The following ATP8A2 variants were observed in gnomAD, a reference collection of about 807,000 sequenced individuals.
ATP8A2 encodes the protein phospholipid-transporting ATPase IB.
Under a neutral mutation model 165.6 loss-of-function variants are expected in ATP8A2, and 100 were observed. The observed-to-expected ratio is 0.60, with a 90% CI of 0.51 to 0.71. The LOEUF is 0.71. Ranked by LOEUF, ATP8A2 falls within the 30% of genes least tolerant of loss-of-function variation. The probability of loss-of-function intolerance (pLI) is 0.00; values close to 1 mark genes in which losing one functional copy is unlikely to be tolerated. For synonymous variants in ATP8A2, 543 were observed against 548.8 expected (o/e 0.99, Z 0.15); for missense variants, 1,227 against 1,479.5 (o/e 0.83, Z 2.80).
chr13:25,989,673 CTATT>C (rs1418894329), intron 35 of ATP8A2, among the ~76,000 whole-genome samples: 1 of 152,156 alleles, frequency 6.6e-6, no homozygotes, highest in Non-Finnish European at 1.5e-5. Flanking sequence ...ATTCTCTCCT[CTATT>C]TATTTTCAGT....
chr13:25,908,850 C>T (rs1954025383), intron 33 of ATP8A2, among the ~76,000 whole-genome samples: 1 of 152,122 alleles, frequency 6.6e-6, no homozygotes, highest in Admixed American at 6.5e-5. Context: ...TGGGGACAGT[C>T]GATCTAGTGA....
At chr13:25,855,914 T>A (rs1952151909) in intron 30 of ATP8A2, among the ~76,000 whole-genome samples, 1 of 152,248 alleles carries the variant, frequency 6.6e-6, no homozygotes, top group Admixed American at 6.5e-5. Context: ...TGTTTTGCTG[T>A]TCTTCATGCA....
intron 1 of ATP8A2, among the ~76,000 whole-genome samples, chr13:25,430,414 A>G (rs1329762947): frequency 6.6e-6 from 1 of 152,154 alleles, no homozygotes; most frequent in Non-Finnish European, 1.5e-5. Context: ...GGAGTTTTGT[A>G]GGAGCAGGAG....
chr13:25,937,655 C>G (rs1954944250), intron 33 of ATP8A2, among the ~76,000 whole-genome samples: 1 of 151,040 alleles, frequency 6.6e-6, no homozygotes, highest in Admixed American at 6.6e-5. Flanking sequence ...CAAGACCATC[C>G]TGGTTAACAC....
chr13:25,933,265 G>A (rs535388718), intron 33 of ATP8A2, among the ~76,000 whole-genome samples: 4 of 152,172 alleles, frequency 2.6e-5, no homozygotes, highest in Non-Finnish European at 4.4e-5. Context: ...TGCCTCGCTT[G>A]GCGGGGATGT....
At chr13:25,623,261 T>A (rs1236372303) in intron 24 of ATP8A2, among the ~76,000 whole-genome samples, 2 of 152,018 alleles carry the variant, frequency 1.3e-5, no homozygotes, top group African/African-American at 4.8e-5. Context: ...CTGGGTATGG[T>A]GATGTGAGCC....
At chr13:25,894,588 T>C (rs1373315724) in intron 33 of ATP8A2, among the ~76,000 whole-genome samples, 1 of 152,238 alleles carries the variant, frequency 6.6e-6, no homozygotes, top group Non-Finnish European at 1.5e-5. Flanking sequence ...ATTGGTAGCT[T>C]GATGGGGATG....
At chr13:25,410,312 C>A (rs2033931268) in intron 1 of ATP8A2, among the ~76,000 whole-genome samples, 1 of 152,096 alleles carries the variant, frequency 6.6e-6, no homozygotes, top group South Asian at 2.1e-4. Context: ...TTCTGGGAAG[C>A]TTTTCACCTT....
At position 25,598,353 on chromosome 13, in the gene ATP8A2, A is replaced by G. The variant is rs143937065; in HGVS notation, c.2211+8654A>G. On this transcript the variant is annotated intron_variant, in intron 24 of 36. Transcript: ENST00000381655. ...TTTCAGGACCTTTGCATTTCTGTAT[A>G]CATTTTAGAATCAGGCTGTAGATTC... 4.5e-3 allele frequency among the ~76,000 whole-genome samples: 691 copies of G among 152,254 alleles called. 5 individuals carry two copies. Among genetic ancestry groups the G allele is most frequent in the South Asian group, 0.02 (97 of 4,824 alleles).
chr13:25,604,387 A>C (rs1167403227), intron 24 of ATP8A2, among the ~76,000 whole-genome samples: 1 of 152,160 alleles, frequency 6.6e-6, no homozygotes, highest in Non-Finnish European at 1.5e-5. Flanking sequence ...GAGTGCAAGG[A>C]ATTGGGTGGA....
chr13:25,760,837 CTT>C (rs2044365716), intron 25 of ATP8A2, among the ~76,000 whole-genome samples: 1 of 152,118 alleles, frequency 6.6e-6, no homozygotes, highest in Non-Finnish European at 1.5e-5. Context: ...TAAAGAATCT[CTT>C]TTGGAATATG....
intron 25 of ATP8A2, among the ~76,000 whole-genome samples, chr13:25,708,453 G>A (rs745832132): frequency 2.0e-5 from 3 of 152,278 alleles, no homozygotes; most frequent in Non-Finnish European, 4.4e-5. Flanking sequence ...TAGCTCTTAC[G>A]TTAATTGGTC....
chr13:25,554,972 C>T lies in ATP8A2; in HGVS notation c.1186-19C>T. 6.6e-7 allele frequency: 1 copy of T among 1,520,862 alleles called. No homozygotes were observed. Among genetic ancestry groups the T allele is most frequent in the Non-Finnish European group, 9.1e-7 (1 of 1,101,130 alleles). The allele number at this position is 1,520,862 out of a possible 1,614,324, so 94.2% of individuals were successfully genotyped here. A position where few individuals can be genotyped will look rare whatever the true frequency, so the allele number is the denominator to read the frequency against. On this transcript the variant is annotated intron_variant, in intron 12 of 36. Transcript: ENST00000381655. ...GTATATATTTTCTGAAATCCTGTCT[C>T]TTGTTCTCTCTCTCTCAGGACACAG...
chr13:25,678,435 T>A (rs563237644), intron 24 of ATP8A2, among the ~76,000 whole-genome samples: 1 of 152,272 alleles, frequency 6.6e-6, no homozygotes, highest in East Asian at 1.9e-4. Flanking sequence ...GCTGAGTTGA[T>A]TGAATTACCT....
At chr13:25,527,786 A>G (rs2037888966) in intron 2 of ATP8A2, among the ~76,000 whole-genome samples, 1 of 152,158 alleles carries the variant, frequency 6.6e-6, no homozygotes, top group African/African-American at 2.4e-5. Flanking sequence ...TAGGTCCTTA[A>G]GCACAGTCAG....
At chr13:25,808,138 T>A (rs988473732) in intron 27 of ATP8A2, among the ~76,000 whole-genome samples, 1 of 151,912 alleles carries the variant, frequency 6.6e-6, no homozygotes, top group African/African-American at 2.4e-5. Flanking sequence ...CAAGACTTTT[T>A]TTTTTTTTTG....
At chr13:25,693,234 G>C (rs2042765001) in intron 24 of ATP8A2, among the ~76,000 whole-genome samples, 1 of 152,124 alleles carries the variant, frequency 6.6e-6, no homozygotes, top group East Asian at 1.9e-4. Context: ...ATAGACTCTT[G>C]AATCATAGTC....
chr13:25,708,598 T>TA (rs977222099), intron 25 of ATP8A2, among the ~76,000 whole-genome samples: 150 of 147,358 alleles, frequency 1.0e-3, no homozygotes, highest in African/African-American at 2.7e-3. Context: ...TTAAAAACCA[T>TA]AAAAAAAAAA....
At chr13:25,815,637 C>A (rs564899375) in intron 27 of ATP8A2, among the ~76,000 whole-genome samples, 3 of 152,230 alleles carry the variant, frequency 2.0e-5, no homozygotes, top group Non-Finnish European at 2.9e-5. Flanking sequence ...TGTACCTCCA[C>A]GATATTAAAC....
Sources: allele counts gnomAD v4.1 joint callset (sites outside exome capture counted in the v4.1 genomes callset), GRCh38; gene constraint gnomAD v4.1.1; transcripts MANE v1.5; gene names NCBI Gene and HGNC (gene_info 2026-07-23, HGNC 2026-07-21).